Variants in TGFBR3 observed in about 807,000 individuals in gnomAD.
TGFBR3 encodes transforming growth factor beta receptor type 3.
Under a neutral mutation model 87.9 loss-of-function variants are expected in TGFBR3, and 46 were observed. That is an observed-to-expected ratio of 0.52 (90% confidence interval 0.41 to 0.67). TGFBR3 has a LOEUF of 0.67. TGFBR3 is among the 30% of genes least tolerant of loss of function. The probability of loss-of-function intolerance (pLI) is 0.00; values close to 1 mark genes in which losing one functional copy is unlikely to be tolerated. For missense variants in TGFBR3, 866 were observed against 1,041.9 expected (o/e 0.83, Z 2.32); for synonymous variants, 381 against 391.6 (o/e 0.97, Z 0.32).
At chr1:91,901,353 T>A (rs1679715495) in intron 1 of TGFBR3, among the ~76,000 whole-genome samples, 1 of 152,154 alleles carries the variant, frequency 6.6e-6, no homozygotes. Flanking sequence ...AAGAAAAGGA[T>A]AGTCAGAAGT....
intron 1 of TGFBR3, among the ~76,000 whole-genome samples, chr1:91,871,392 A>T (rs1486064095): frequency 6.6e-6 from 1 of 152,124 alleles, no homozygotes; most frequent in Non-Finnish European, 1.5e-5. Flanking sequence ...ATTAGCGCCT[A>T]CCCTGTCCTG....
intron 1 of TGFBR3, among the ~76,000 whole-genome samples, chr1:91,901,821 G>A (rs1679727007): frequency 6.6e-6 from 1 of 151,612 alleles, no homozygotes; most frequent in African/African-American, 2.4e-5. Flanking sequence ...GCTGAGGTGG[G>A]AGGATCACTT....
intron 1 of TGFBR3, among the ~76,000 whole-genome samples, chr1:91,884,216 A>G (rs951101657): frequency 6.6e-6 from 1 of 151,708 alleles, no homozygotes; most frequent in South Asian, 2.1e-4. Context: ...GCTACTCTGG[A>G]GGCTGAGTCA....
chr1:91,760,116 T>C (rs1197201116), intron 3 of TGFBR3, among the ~76,000 whole-genome samples: 1 of 152,234 alleles, frequency 6.6e-6, no homozygotes, highest in East Asian at 1.9e-4. Flanking sequence ...ATTCTCTGCT[T>C]TTCAATGCCA....
intron 7 of TGFBR3, among the ~76,000 whole-genome samples, chr1:91,724,544 C>T (rs1672485595): frequency 1.3e-5 from 2 of 152,140 alleles, no homozygotes; most frequent in African/African-American, 4.8e-5. Flanking sequence ...TGCACCTTTC[C>T]AGATTAAATC....
chr1:91,798,756 C>T (rs540809482), intron 2 of TGFBR3, among the ~76,000 whole-genome samples: 11 of 152,114 alleles, frequency 7.2e-5, no homozygotes, highest in African/African-American at 2.2e-4. Context: ...GCTCAAAAAA[C>T]GTTTGTTAAA....
chr1:91,817,729 C>T (rs1676285241), intron 2 of TGFBR3, among the ~76,000 whole-genome samples: 1 of 152,072 alleles, frequency 6.6e-6, no homozygotes, highest in African/African-American at 2.4e-5. Context: ...AAACAAAATA[C>T]ATATTATTTC....
chr1:91,835,374 G>A (rs1162290137), intron 2 of TGFBR3, among the ~76,000 whole-genome samples: 1 of 152,154 alleles, frequency 6.6e-6, no homozygotes, highest in Non-Finnish European at 1.5e-5. Flanking sequence ...TGGGAGAGGA[G>A]GTTACAGCCA....
rs1325275216 is a variant in TGFBR3 at position 91,716,292 on chromosome 1, A to G, written c.1810T>C (p.Leu604=). ...NMELYNTDLF[L]VPSQGVFSVP... Reference sequence around the variant, plus strand: ...GAGAAGACGCCCTGGGAGGGCACCAAAAAGAGGTCAGTGTTGTATAGCTCC... The same window carrying G: ...GAGAAGACGCCCTGGGAGGGCACCAGAAAGAGGTCAGTGTTGTATAGCTCC... Residue 604 remains leucine, a synonymous_variant, in exon 12 of 17, where the codon TTG becomes CTG. Transcript: ENST00000212355. 5.0e-6 allele frequency: 8 copies of G among 1,614,048 alleles called. No homozygotes were observed. The highest frequency in any genetic ancestry group is 1.7e-5 in the Admixed American group (1 of 60,006).
At chr1:91,744,709 G>A (rs1372746224) in intron 4 of TGFBR3, among the ~76,000 whole-genome samples, 1 of 152,204 alleles carries the variant, frequency 6.6e-6, no homozygotes, top group Non-Finnish European at 1.5e-5. Flanking sequence ...TACCACTCAT[G>A]ATTCTGACGC....
chr1:91,707,872 C>T (rs962082009), intron 14 of TGFBR3, among the ~76,000 whole-genome samples: 1 of 152,210 alleles, frequency 6.6e-6, no homozygotes, highest in African/African-American at 2.4e-5. Flanking sequence ...ACCCTTGGAG[C>T]TGTGATGCGG....
chr1:91,822,142 G>T (rs1214880176), intron 2 of TGFBR3, among the ~76,000 whole-genome samples: 2 of 152,012 alleles, frequency 1.3e-5, no homozygotes, highest in African/African-American at 4.8e-5. Flanking sequence ...GAGGCAAAGA[G>T]GATAAGAGAA....
intron 14 of TGFBR3, among the ~76,000 whole-genome samples, chr1:91,707,823 G>A (rs1671845295): frequency 6.6e-6 from 1 of 152,226 alleles, no homozygotes; most frequent in Non-Finnish European, 1.5e-5. Flanking sequence ...CCACCCCTCA[G>A]ATGCTGACAG....
chr1:91,785,730 C>T (rs1674932368), intron 3 of TGFBR3, among the ~76,000 whole-genome samples: 1 of 151,860 alleles, frequency 6.6e-6, no homozygotes, highest in African/African-American at 2.4e-5. Flanking sequence ...TCCCTCACTT[C>T]CAGAGAGAAT....
At chr1:91,884,550 C>A (rs549132616) in intron 1 of TGFBR3, among the ~76,000 whole-genome samples, 7 of 152,296 alleles carry the variant, frequency 4.6e-5, no homozygotes, top group Admixed American at 6.5e-5. Context: ...TATGTACACA[C>A]AAATCGGCCT....
chr1:91,797,859 A>G (rs1675446454), intron 2 of TGFBR3, among the ~76,000 whole-genome samples: 1 of 152,222 alleles, frequency 6.6e-6, no homozygotes, highest in South Asian at 2.1e-4. Context: ...AATTGCACTT[A>G]ACAAAAGTAT....
At chr1:91,836,967 A>C (rs1286902748) in intron 2 of TGFBR3, among the ~76,000 whole-genome samples, 2 of 152,206 alleles carry the variant, frequency 1.3e-5, no homozygotes, top group Middle Eastern at 6.3e-3. Context: ...CATTTGATTT[A>C]AACTGATACT....
rs1670995914 is a variant in TGFBR3, at chr1:91,683,774, G to A, written c.2521C>T (p.Gln841Ter). The change falls in exon 17 of 17, where the codon CAG (glutamine) becomes TAG (stop). Residue 841 changes from glutamine to a stop codon, truncating the protein, a stop_gained. Transcript: ENST00000212355. LOFTEE classifies it high-confidence loss of function. ...SSAAHSIGST[Q>*]STPCSSSSTA ...CTGCTGCTGGAGCAAGGCGTGCTCT[G>A]CGTGCTGCCGATGCTGTGGGCAGCA... 1.2e-6 allele frequency: 2 copies of A among 1,601,434 alleles called. No homozygotes were observed. Among genetic ancestry groups the A allele is most frequent in the Non-Finnish European group, 1.7e-6 (2 of 1,175,844 alleles).
At chr1:91,850,575 G>A (rs1571571534) in intron 2 of TGFBR3, among the ~76,000 whole-genome samples, 1 of 152,068 alleles carries the variant, frequency 6.6e-6, no homozygotes, top group East Asian at 1.9e-4. Flanking sequence ...GAGGCCAGAA[G>A]TTTGAGACCA....
Sources: allele counts gnomAD v4.1 joint callset (sites outside exome capture counted in the v4.1 genomes callset), GRCh38; gene constraint gnomAD v4.1.1; transcripts MANE v1.5; gene names NCBI Gene and HGNC (gene_info 2026-07-23, HGNC 2026-07-21).